Variants in UVRAG observed in about 807,000 individuals in gnomAD.
The protein encoded by UVRAG is UV radiation resistance-associated gene protein.
In UVRAG, 19 loss-of-function variants were observed where a neutral mutation model predicts 78.0. The observed-to-expected ratio is 0.24, with a 90% CI of 0.17 to 0.36. The LOEUF (loss-of-function observed/expected upper bound fraction) is 0.36. Ranked by LOEUF, UVRAG falls within the 10% of genes least tolerant of loss-of-function variation. The pLI is 1.00. For missense variants in UVRAG, 740 were observed against 853.8 expected, an observed-to-expected ratio of 0.87 and a Z score of 1.66; for synonymous variants, 323 against 324.6, an observed-to-expected ratio of 1.00 and a Z score of 0.05.
rs377457433 is a variant in UVRAG, at chr11:76,053,308, AAC to A, written c.1227-12368_1227-12367del. 7.7e-3 allele frequency among the ~76,000 whole-genome samples: 1,082 copies of A among 140,216 alleles called. 6 individuals carry two copies. Among genetic ancestry groups the A allele is most frequent in the African/African-American group, 0.018 (665 of 37,396 alleles). The allele number at this position is 140,216 out of a possible 152,430, so 92.0% of individuals were successfully genotyped here. A position where few individuals can be genotyped will look rare whatever the true frequency, so the allele number is the denominator to read the frequency against. Reference sequence around the variant, plus strand: ...GCAACAGAGTGAGACTCTGTCTCAAAACACACACACACACACACACACACACA... The same window carrying A: ...GCAACAGAGTGAGACTCTGTCTCAAAACACACACACACACACACACACACA... On this transcript the variant is annotated intron_variant, in intron 12 of 14. Transcript: ENST00000356136.
At position 76,104,629 on chromosome 11, in the gene UVRAG, G is replaced by A. The variant is rs180899951; in HGVS notation, c.1306-11295G>A. Among the ~76,000 whole-genome samples, 9 of 152,152 alleles carry A rather than the reference G, an allele frequency of 5.9e-5. No homozygotes were observed. In the East Asian group the frequency reaches 7.7e-4, roughly 13 times the overall value. ...TATTTAGATTATTTCCAAATTTCCC[G>A]TTACAAACAGTGCCATGCATGTATC... On this transcript the variant is annotated intron_variant, in intron 13 of 14. Transcript: ENST00000356136.
In UVRAG at chr11:76,007,568, A is replaced by G. The variant is rs367545338; in HGVS notation, c.946A>G (p.Ile316Val). ...CTTGAAGACTAATGCTCAGTTGACA[A>G]TTCGTTGCAGGCAGTTACTCTCTGA... The part of the protein sequence containing the change: ...LFLKTNAQLT[I>V]RCRQLLSELS... Residue 316 changes from isoleucine to valine, a missense_variant, in exon 10 of 15, where the codon ATT becomes GTT. Transcript: ENST00000356136. 9.2e-5 allele frequency: 148 copies of G among 1,613,934 alleles called. No homozygotes were observed. Among genetic ancestry groups the G allele is most frequent in the Middle Eastern group, 1.7e-4 (1 of 6,048 alleles).
At chr11:75,827,684 A>C (rs1945545825) in intron 1 of UVRAG, among the ~76,000 whole-genome samples, 1 of 152,224 alleles carries the variant, frequency 6.6e-6, no homozygotes, top group Admixed American at 6.5e-5. Context: ...CCATTTATTC[A>C]ATAGATACTT....
At chr11:76,109,302 T>A (rs1277753376) in intron 13 of UVRAG, among the ~76,000 whole-genome samples, 1 of 152,194 alleles carries the variant, frequency 6.6e-6, no homozygotes, top group Non-Finnish European at 1.5e-5. Flanking sequence ...TAGCTGCCTT[T>A]GCTGTTGTTT....
At chr11:75,932,486 A>G (rs951163185) in intron 6 of UVRAG, among the ~76,000 whole-genome samples, 3 of 151,974 alleles carry the variant, frequency 2.0e-5, no homozygotes, top group African/African-American at 4.8e-5. Context: ...GGGTTACACC[A>G]TGTTGGCAAG....
At chr11:76,132,151 A>C (rs962950742) in intron 14 of UVRAG, among the ~76,000 whole-genome samples, 2 of 152,206 alleles carry the variant, frequency 1.3e-5, no homozygotes, top group African/African-American at 4.8e-5. Flanking sequence ...CACAGTTGAC[A>C]TGATATTGGC....
At chr11:75,908,954 G>T (rs1947678047) in intron 5 of UVRAG, among the ~76,000 whole-genome samples, 1 of 151,848 alleles carries the variant, frequency 6.6e-6, no homozygotes, top group Non-Finnish European at 1.5e-5. Context: ...TCTTTTATAA[G>T]CCTTCTTATT....
chr11:75,901,831 G>A (rs1947507074), intron 5 of UVRAG, among the ~76,000 whole-genome samples: 1 of 152,110 alleles, frequency 6.6e-6, no homozygotes, highest in African/African-American at 2.4e-5. Context: ...GCTAAGATTT[G>A]TTCACGTCAG....
At chr11:76,005,260 G>A (rs970047612) in intron 9 of UVRAG, among the ~76,000 whole-genome samples, 1 of 152,086 alleles carries the variant, frequency 6.6e-6, no homozygotes, top group African/African-American at 2.4e-5. Context: ...GGAGAATGGC[G>A]TGAGCCCGGG....
At chr11:75,956,864 GGCCAT>G (rs1395551798) in intron 6 of UVRAG, among the ~76,000 whole-genome samples, 6 of 151,882 alleles carry the variant, frequency 4.0e-5, no homozygotes, top group Non-Finnish European at 8.8e-5. Context: ...TGTGCTTATT[GGCCAT>G]TCTTATATCT....
At chr11:76,128,088 C>T (rs1286088305) in intron 14 of UVRAG, among the ~76,000 whole-genome samples, 6 of 152,178 alleles carry the variant, frequency 3.9e-5, no homozygotes, top group Non-Finnish European at 8.8e-5. Context: ...CATTCATTAG[C>T]ACTGGGGTCC....
intron 11 of UVRAG, among the ~76,000 whole-genome samples, chr11:76,013,631 T>C (rs1950094256): frequency 6.6e-6 from 1 of 152,190 alleles, no homozygotes; most frequent in Non-Finnish European, 1.5e-5. Flanking sequence ...CTTAAACCTT[T>C]TGGTTTTTTA....
At chr11:76,075,068 C>G (rs1951379395) in intron 13 of UVRAG, among the ~76,000 whole-genome samples, 1 of 152,122 alleles carries the variant, frequency 6.6e-6, no homozygotes, top group Non-Finnish European at 1.5e-5. Flanking sequence ...AGCTTAAATT[C>G]ATGTATATTT....
intron 12 of UVRAG, among the ~76,000 whole-genome samples, chr11:76,044,736 T>G (rs1179070754): frequency 6.6e-6 from 1 of 152,016 alleles, no homozygotes. Context: ...ATTGTGCTAC[T>G]GCACTCCAGC....
intron 6 of UVRAG, among the ~76,000 whole-genome samples, chr11:75,941,350 AT>A (rs1348685316): frequency 6.6e-6 from 1 of 152,142 alleles, no homozygotes; most frequent in Non-Finnish European, 1.5e-5. Context: ...ACTGTAAGAT[AT>A]TTAAAAATCT....
At chr11:75,963,764 A>G (rs17810401) in intron 7 of UVRAG, among the ~76,000 whole-genome samples, 7,946 of 152,216 alleles carry the variant, frequency 0.052, 257 homozygotes, top group African/African-American at 0.091. Context: ...TTTGGCATTT[A>G]ATTTTATTTC....
chr11:76,130,367 C>T (rs1351189901), intron 14 of UVRAG, among the ~76,000 whole-genome samples: 1 of 152,156 alleles, frequency 6.6e-6, no homozygotes, highest in African/African-American at 2.4e-5. Flanking sequence ...AAACATGAAC[C>T]ATGGCTTTTT....
At chr11:75,911,813 A>G (rs1364922120) in intron 5 of UVRAG, 141 bp from the exon 6 acceptor site, 2 of 569,248 alleles carry the variant, frequency 3.5e-6, no homozygotes, top group Middle Eastern at 4.7e-4. Context: ...TGGCAGATAT[A>G]CTTTACTTTT....
At chr11:75,996,245 C>A (rs200084657) in intron 8 of UVRAG, among the ~76,000 whole-genome samples, 16 of 145,740 alleles carry the variant, frequency 1.1e-4, no homozygotes, top group East Asian at 2.0e-4. Flanking sequence ...GTAACATTTA[C>A]AAAAAAAAAA....
Sources: gnomAD v4.1 joint callset for allele counts (sites outside exome capture counted in the v4.1 genomes callset) on GRCh38, gnomAD v4.1.1 for gene constraint, MANE v1.5 for transcripts, NCBI Gene and HGNC (gene_info 2026-07-23, HGNC 2026-07-21) for gene names.